Variants in PDE11A observed in about 807,000 individuals in gnomAD.
The protein encoded by PDE11A is dual 3',5'-cyclic-AMP and -GMP phosphodiesterase 11A.
In PDE11A, 100 loss-of-function variants were observed where a neutral mutation model predicts 100.5. The ratio of observed to expected loss-of-function variants is 1.00; its 90% confidence interval spans 0.85 to 1.18. PDE11A has a LOEUF of 1.18. Among genes scored for constraint, PDE11A ranks in the 50% most tolerant of loss-of-function variants. The probability of loss-of-function intolerance (pLI) is 0.00; values close to 1 mark genes in which losing one functional copy is unlikely to be tolerated. For synonymous variants in PDE11A, 381 were observed against 420.8 expected, an observed-to-expected ratio of 0.91 and a Z score of 1.16; for missense variants, 1,141 against 1,152.6, an observed-to-expected ratio of 0.99 and a Z score of 0.15.
chr2:177,634,687 C>T (rs2080011533), intron 19 of PDE11A, among the ~76,000 whole-genome samples: 1 of 152,082 alleles, frequency 6.6e-6, no homozygotes, highest in South Asian at 2.1e-4. Flanking sequence ...CGCGCCCGGC[C>T]GACTTATTCT....
intron 4 of PDE11A, among the ~76,000 whole-genome samples, chr2:177,888,116 A>G: frequency 6.6e-6 from 1 of 152,242 alleles, no homozygotes; most frequent in South Asian, 2.1e-4. Context: ...TTCAATCAAA[A>G]TCTATACAGA....
intron 2 of PDE11A, among the ~76,000 whole-genome samples, chr2:178,009,733 G>T (rs138609595): frequency 6.6e-6 from 1 of 152,238 alleles, no homozygotes; most frequent in East Asian, 1.9e-4. Flanking sequence ...CAATATAGTG[G>T]TCCTATGCAC....
intron 2 of PDE11A, chr2:177,921,956 A>G (rs1160932611): frequency 6.6e-6 from 1 of 152,256 alleles, no homozygotes; most frequent in African/African-American, 2.4e-5. Flanking sequence ...GACAGACAGG[A>G]AGCTGGAAGG....
intron 13 of PDE11A, among the ~76,000 whole-genome samples, chr2:177,703,626 C>A (rs1166734614): frequency 1.3e-5 from 2 of 152,158 alleles, no homozygotes; most frequent in Admixed American, 1.3e-4. Context: ...TAGTGTGAAT[C>A]TTTTGTATCT....
At chr2:177,824,857 A>G (rs180982353) in intron 6 of PDE11A, among the ~76,000 whole-genome samples, 3 of 152,312 alleles carry the variant, frequency 2.0e-5, no homozygotes, top group Non-Finnish European at 1.5e-5. Context: ...GTACATGCCT[A>G]TGGGTATACA....
chr2:177,946,100 T>TA (rs1553492790), intron 2 of PDE11A, among the ~76,000 whole-genome samples: 3 of 43,088 alleles, frequency 7.0e-5, no homozygotes, highest in African/African-American at 1.1e-4. Context: ...GGGATGGAGG[T>TA]GGGGGGGGGT....
intron 2 of PDE11A, among the ~76,000 whole-genome samples, chr2:178,083,721 TCC>T (rs2087315003): frequency 6.6e-6 from 1 of 152,224 alleles, no homozygotes; most frequent in South Asian, 2.1e-4. Context: ...CCTAATAACT[TCC>T]TATGCAGGAA....
chr2:177,671,371 T>C (rs372398173), intron 17 of PDE11A, among the ~76,000 whole-genome samples: 36 of 152,124 alleles, frequency 2.4e-4, no homozygotes, highest in African/African-American at 8.2e-4. Context: ...AAGAAGGAAA[T>C]TGAGATGCTA....
intron 4 of PDE11A, among the ~76,000 whole-genome samples, chr2:177,886,372 C>T (rs1325502477): frequency 1.3e-5 from 2 of 152,154 alleles, no homozygotes; most frequent in Non-Finnish European, 2.9e-5. Context: ...AGGGCTAGAA[C>T]AGCATTCCTC....
At chr2:177,850,758 T>A (rs1005714035) in intron 5 of PDE11A, among the ~76,000 whole-genome samples, 1 of 152,064 alleles carries the variant, frequency 6.6e-6, no homozygotes, top group Non-Finnish European at 1.5e-5. Flanking sequence ...AGGAAGAAAT[T>A]TATGCAGCCA....
At chr2:177,728,822 C>G (rs781760130) in intron 10 of PDE11A, among the ~76,000 whole-genome samples, 6 of 152,046 alleles carry the variant, frequency 3.9e-5, no homozygotes, top group Non-Finnish European at 5.9e-5. Context: ...AACATCACAA[C>G]ATAATTACAA....
chr2:178,063,115 C>A (rs1327131780), intron 1 of PDE11A, among the ~76,000 whole-genome samples: 1 of 152,134 alleles, frequency 6.6e-6, no homozygotes, highest in Non-Finnish European at 1.5e-5. Context: ...ATTTATTTCA[C>A]AGAGACCCAA....
At chr2:177,782,699 A>T (rs1184797071) in intron 9 of PDE11A, among the ~76,000 whole-genome samples, 2 of 152,096 alleles carry the variant, frequency 1.3e-5, no homozygotes, top group Non-Finnish European at 2.9e-5. Context: ...TCACATCAAG[A>T]ATTCATAAAT....
At chr2:177,631,757 C>T (rs189170526) in intron 19 of PDE11A, among the ~76,000 whole-genome samples, 57 of 150,900 alleles carry the variant, frequency 3.8e-4, no homozygotes, top group African/African-American at 1.3e-3. Flanking sequence ...ACTTCTTGGG[C>T]CTGTTTTCCA....
At chr2:177,898,937 A>T (rs532206824) in intron 3 of PDE11A, among the ~76,000 whole-genome samples, 1 of 152,188 alleles carries the variant, frequency 6.6e-6, no homozygotes, top group South Asian at 2.1e-4. Flanking sequence ...CATTTACCCC[A>T]TTTCTCTGGA....
At chr2:177,683,544 G>C (rs1322092738) in intron 15 of PDE11A, 1 of 152,270 alleles carries the variant, frequency 6.6e-6, no homozygotes, top group Non-Finnish European at 1.5e-5. Context: ...CCGGAAGTTT[G>C]CGCTGTTTGC....
chr2:177,744,143 G>T (rs1405747032), intron 10 of PDE11A, among the ~76,000 whole-genome samples: 1 of 152,156 alleles, frequency 6.6e-6, no homozygotes, highest in African/African-American at 2.4e-5. Flanking sequence ...AAACCTTGAA[G>T]CTATAAAACA....
At chr2:177,707,541 C>T (rs1412511327) in intron 13 of PDE11A, among the ~76,000 whole-genome samples, 1 of 152,138 alleles carries the variant, frequency 6.6e-6, no homozygotes, top group African/African-American at 2.4e-5. Context: ...AATATCAGCT[C>T]CATCCTTCTC....
intron 19 of PDE11A, among the ~76,000 whole-genome samples, chr2:177,662,236 T>C (rs148330799): frequency 8.9e-4 from 135 of 152,340 alleles, no homozygotes; most frequent in African/African-American, 3.0e-3. Flanking sequence ...GAGGATCCTT[T>C]ACAGCCTTTC....
Sources: allele counts gnomAD v4.1 joint callset (sites outside exome capture counted in the v4.1 genomes callset), GRCh38; gene constraint gnomAD v4.1.1; transcripts MANE v1.5; gene names NCBI Gene and HGNC (gene_info 2026-07-23, HGNC 2026-07-21).